DDX10: variants seen among roughly 807,000 people sequenced by gnomAD.
DDX10 encodes DEAD-box helicase 10.
Under a neutral mutation model 104.3 loss-of-function variants are expected in DDX10, and 74 were observed. The ratio of observed to expected loss-of-function variants is 0.71; its 90% CI spans 0.59 to 0.86. DDX10 has a LOEUF of 0.86. Among genes scored for constraint, DDX10 ranks in the 40% least tolerant of loss-of-function variants. The pLI, the probability that DDX10 is intolerant of heterozygous loss-of-function variation, is 0.00. For missense variants in DDX10, 952 were observed against 1,040.0 expected (o/e 0.92, Z 1.16); for synonymous variants, 351 against 353.4 (o/e 0.99, Z 0.08).
intron 9 of DDX10, among the ~76,000 whole-genome samples, chr11:108,705,271 T>G (rs558187787): frequency 6.6e-6 from 1 of 152,330 alleles, no homozygotes; most frequent in South Asian, 2.1e-4. Flanking sequence ...AGTACCTTAT[T>G]CTCTTCACTA....
chr11:108,845,147 G>T (rs1862697360), intron 15 of DDX10, among the ~76,000 whole-genome samples: 1 of 152,162 alleles, frequency 6.6e-6, no homozygotes, highest in Non-Finnish European at 1.5e-5. Context: ...GGCGGAGCTT[G>T]CAGTGAGCCG....
At chr11:108,830,220 T>A (rs1862449668) in intron 13 of DDX10, among the ~76,000 whole-genome samples, 1 of 152,232 alleles carries the variant, frequency 6.6e-6, no homozygotes, top group Non-Finnish European at 1.5e-5. Flanking sequence ...ATTTGTGTCA[T>A]CTGTGATTTC....
At chr11:108,763,069 T>A (rs2094352545) in intron 13 of DDX10, among the ~76,000 whole-genome samples, 1 of 152,198 alleles carries the variant, frequency 6.6e-6, no homozygotes, top group South Asian at 2.1e-4. Flanking sequence ...TTCTCATTGA[T>A]CCTTGAGCAG....
At chr11:108,713,588 T>C (rs148292021) in intron 10 of DDX10, among the ~76,000 whole-genome samples, 1 of 152,334 alleles carries the variant, frequency 6.6e-6, no homozygotes, top group African/African-American at 2.4e-5. Context: ...CCCTAGCATA[T>C]GAGTCACTGT....
chr11:108,680,935 T>C (rs1370512102), intron 6 of DDX10, among the ~76,000 whole-genome samples: 2 of 152,212 alleles, frequency 1.3e-5, no homozygotes, highest in Admixed American at 6.5e-5. Flanking sequence ...TAGTAAGATA[T>C]GTGAGGTATA....
At chr11:108,800,521 G>C (rs1862006686) in intron 13 of DDX10, among the ~76,000 whole-genome samples, 1 of 150,562 alleles carries the variant, frequency 6.6e-6, no homozygotes, top group South Asian at 2.1e-4. Context: ...TCACACTCCA[G>C]CACTTGTTTC....
At chr11:108,898,272 G>T (rs1863466853) in intron 16 of DDX10, among the ~76,000 whole-genome samples, 1 of 151,954 alleles carries the variant, frequency 6.6e-6, no homozygotes, top group Non-Finnish European at 1.5e-5. Flanking sequence ...AATGACAAAA[G>T]CCCGCTATGG....
intron 13 of DDX10, among the ~76,000 whole-genome samples, chr11:108,801,071 A>C (rs1382477092): frequency 2.0e-5 from 3 of 152,228 alleles, no homozygotes; most frequent in Middle Eastern, 3.2e-3. Context: ...GAAGACGAGG[A>C]TAGTGCATCT....
At chr11:108,859,750 CTG>C (rs897793456) in intron 16 of DDX10, among the ~76,000 whole-genome samples, 60 of 152,238 alleles carry the variant, frequency 3.9e-4, no homozygotes, top group African/African-American at 1.4e-3. Context: ...GTGGCTGAGT[CTG>C]TGTTATTCCA....
At chr11:108,908,121 C>T (rs887442892) in intron 16 of DDX10, among the ~76,000 whole-genome samples, 1 of 152,124 alleles carries the variant, frequency 6.6e-6, no homozygotes, top group Non-Finnish European at 1.5e-5. Flanking sequence ...TTAATTTCTT[C>T]TCTAAATAAT....
chr11:108,831,457 A>G (rs1359293743), intron 13 of DDX10, among the ~76,000 whole-genome samples: 3 of 139,780 alleles, frequency 2.1e-5, no homozygotes, highest in East Asian at 2.2e-4. Flanking sequence ...AAATGCTCTT[A>G]TCTTTCATAG....
intron 16 of DDX10, among the ~76,000 whole-genome samples, chr11:108,911,925 A>G (rs1186082798): frequency 6.6e-6 from 1 of 152,100 alleles, no homozygotes; most frequent in Admixed American, 6.5e-5. Context: ...TTTGTAAGGC[A>G]TCCTCTCAGT....
chr11:108,918,091 A>T (rs1215774284), intron 17 of DDX10, 73 bp downstream of exon 17: 2 of 1,440,770 alleles, frequency 1.4e-6, no homozygotes, highest in South Asian at 2.3e-5. Flanking sequence ...TCCAAAAGAC[A>T]TTACTAAGAG....
intron 9 of DDX10, among the ~76,000 whole-genome samples, chr11:108,703,510 A>T (rs1210770393): frequency 6.6e-6 from 1 of 152,066 alleles, no homozygotes; most frequent in African/African-American, 2.4e-5. Flanking sequence ...TTGTATTTTT[A>T]GTAGAGACAG....
At chr11:108,757,917 C>T (rs1185634146) in intron 13 of DDX10, among the ~76,000 whole-genome samples, 1 of 151,954 alleles carries the variant, frequency 6.6e-6, no homozygotes, top group Admixed American at 6.6e-5. Context: ...TAATTGCATT[C>T]CTTTCTTTCC....
intron 17 of DDX10, among the ~76,000 whole-genome samples, chr11:108,928,197 A>C (rs745780490): frequency 3.3e-5 from 5 of 152,196 alleles, no homozygotes; most frequent in Non-Finnish European, 7.3e-5. Context: ...AGTGTCCTAA[A>C]AGCCAGAAAG....
intron 13 of DDX10, among the ~76,000 whole-genome samples, chr11:108,822,926 T>A (rs1862346219): frequency 6.6e-6 from 1 of 152,200 alleles, no homozygotes; most frequent in Admixed American, 6.5e-5. Context: ...AGATGAAATA[T>A]AAGATAGATA....
At chr11:108,732,051 T>C (rs2094312965) in intron 13 of DDX10, among the ~76,000 whole-genome samples, 1 of 152,212 alleles carries the variant, frequency 6.6e-6, no homozygotes, top group African/African-American at 2.4e-5. Flanking sequence ...TTTCCCTTTC[T>C]TGTCTCTCTG....
intron 13 of DDX10, among the ~76,000 whole-genome samples, chr11:108,806,005 A>T (rs1017760578): frequency 2.0e-5 from 3 of 152,108 alleles, no homozygotes; most frequent in African/African-American, 7.2e-5. Context: ...CTTGTTGCCT[A>T]GGCTAGAGTG....
Sources: gnomAD v4.1 joint callset for allele counts (sites outside exome capture counted in the v4.1 genomes callset) on GRCh38, gnomAD v4.1.1 for gene constraint, MANE v1.5 for transcripts, NCBI Gene and HGNC (gene_info 2026-07-23, HGNC 2026-07-21) for gene names.